Variants in LUC7L observed in about 807,000 individuals in gnomAD.
The protein encoded by LUC7L is LUC7 like.
In LUC7L, 29 loss-of-function variants were observed where a neutral mutation model predicts 51.1. The observed-to-expected ratio is 0.57, with a 90% CI of 0.42 to 0.77. LUC7L has a LOEUF of 0.77. Among genes scored for constraint, LUC7L ranks in the 30% least tolerant of loss-of-function variants. The probability of loss-of-function intolerance (pLI) is 0.00; values close to 1 mark genes in which losing one functional copy is unlikely to be tolerated. For synonymous variants in LUC7L, 181 were observed against 180.7 expected (o/e 1.00, Z -0.01); for missense variants, 403 against 511.9 (o/e 0.79, Z 2.05).
intron 2 of LUC7L, among the ~76,000 whole-genome samples, chr16:220,959 ATAGTG>A (rs1319170668): frequency 1.3e-5 from 2 of 152,194 alleles, no homozygotes; most frequent in African/African-American, 4.8e-5. Context: ...GATGCATTTA[ATAGTG>A]TAAAGTTTCT....
At chr16:192,318 G>A (rs1425040015) in intron 7 of LUC7L, among the ~76,000 whole-genome samples, 1 of 151,996 alleles carries the variant, frequency 6.6e-6, no homozygotes, top group Non-Finnish European at 1.5e-5. Flanking sequence ...GCTTGCCAAA[G>A]GGGAGCAGGC....
chr16:219,114 G>A (rs867533091), intron 3 of LUC7L, among the ~76,000 whole-genome samples: 3 of 152,002 alleles, frequency 2.0e-5, no homozygotes, highest in Middle Eastern at 6.8e-3. Flanking sequence ...AAATAGGACA[G>A]GCGCGGTGGC....
intron 2 of LUC7L, among the ~76,000 whole-genome samples, chr16:221,246 C>T (rs1423613525): frequency 5.5e-5 from 8 of 144,804 alleles, no homozygotes; most frequent in Admixed American, 5.0e-4. Flanking sequence ...GGTTTCGCCA[C>T]GTTGGCCAGG....
chr16:198,051 G>A (rs1039853933), intron 6 of LUC7L, among the ~76,000 whole-genome samples: 47 of 151,918 alleles, frequency 3.1e-4, no homozygotes, highest in Non-Finnish European at 2.2e-4. Flanking sequence ...GGCGGATCGC[G>A]AGGTCAGGAG....
chr16:229,231 G>C, intron 1 of LUC7L, 48 bp downstream of exon 1: 10 of 1,513,476 alleles, frequency 6.6e-6, no homozygotes, highest in Non-Finnish European at 8.8e-6. Flanking sequence ...CGGCGGCCTC[G>C]CCTCACTCCC....
At chr16:224,447 A>T (rs979999953) in intron 2 of LUC7L, among the ~76,000 whole-genome samples, 2 of 151,354 alleles carry the variant, frequency 1.3e-5, no homozygotes, top group African/African-American at 4.9e-5. Flanking sequence ...TGAGCCCGGG[A>T]GGCGGAGCTT....
chr16:192,886 G>A (rs184685361), intron 7 of LUC7L, 41 bp downstream of exon 7: 302 of 1,530,456 alleles, frequency 2.0e-4, no homozygotes, highest in East Asian at 1.6e-3. Context: ...GGGAATGCCC[G>A]AGGCCAATGC....
At chr16:216,919 C>T (rs767428303) in intron 3 of LUC7L, among the ~76,000 whole-genome samples, 1 of 152,178 alleles carries the variant, frequency 6.6e-6, no homozygotes, top group Non-Finnish European at 1.5e-5. Flanking sequence ...TGGTCTTGAA[C>T]TCCCGGGCTC....
At chr16:199,334 G>A (rs1219612106) in intron 5 of LUC7L, 96 bp from the exon 6 acceptor site, 12 of 772,454 alleles carry the variant, frequency 1.6e-5, no homozygotes, top group Admixed American at 2.7e-5. Context: ...GATGACAGAG[G>A]TGACTTTTAA....
At chr16:193,505 A>G (rs1023933768) in intron 6 of LUC7L, among the ~76,000 whole-genome samples, 2 of 151,748 alleles carry the variant, frequency 1.3e-5, no homozygotes, top group Admixed American at 6.6e-5. Context: ...ATGCTTTATC[A>G]TTACATTTTT....
At chr16:205,447 G>T (rs1355480432) in intron 5 of LUC7L, among the ~76,000 whole-genome samples, 5 of 152,108 alleles carry the variant, frequency 3.3e-5, no homozygotes, top group African/African-American at 1.2e-4. Flanking sequence ...GCAGACTTTG[G>T]GTGATAATGA....
intron 1 of LUC7L, chr16:227,709 T>TAATTTC: frequency 9.7e-7 from 1 of 1,026,450 alleles, no homozygotes; most frequent in Non-Finnish European, 1.2e-6. Flanking sequence ...ATAGAGCTGG[T>TAATTTC]AATTTCCACC....
intron 5 of LUC7L, among the ~76,000 whole-genome samples, chr16:200,164 TGTAATCCCAG>T (rs1454122361): frequency 1.3e-5 from 2 of 152,046 alleles, no homozygotes; most frequent in Non-Finnish European, 2.9e-5. Context: ...GGCTCACGCC[TGTAATCCCAG>T]CACTTTGGGA....
intron 5 of LUC7L, among the ~76,000 whole-genome samples, 196 bp downstream of exon 5, chr16:205,808 T>C (rs1215276102): frequency 2.0e-5 from 3 of 152,140 alleles, no homozygotes; most frequent in African/African-American, 7.2e-5. Context: ...GCCAGGATGG[T>C]CTTATCTCCT....
chr16:189,733 G>A (rs529339843), intron 9 of LUC7L: 25 of 1,382,536 alleles, frequency 1.8e-5, no homozygotes, highest in Non-Finnish European at 2.3e-5. Flanking sequence ...CAGTGCACAG[G>A]CCCCAGGACG....
At chr16:213,596 G>A (rs1371129792) in intron 3 of LUC7L, among the ~76,000 whole-genome samples, 1 of 151,892 alleles carries the variant, frequency 6.6e-6, no homozygotes, top group African/African-American at 2.4e-5. Context: ...TTAGAGACAG[G>A]TTATCACCAT....
chr16:228,067 A>T (rs2050174205), intron 1 of LUC7L: 2 of 1,140,576 alleles, frequency 1.8e-6, no homozygotes. Flanking sequence ...TTTCTTGCCC[A>T]CACCTGCAGT....
At chr16:228,247 C>A in intron 1 of LUC7L, 1 of 1,294,658 alleles carries the variant, frequency 7.7e-7, no homozygotes, top group Non-Finnish European at 1.0e-6. Flanking sequence ...AAAATGTTTT[C>A]TTTCTAAACT....
chr16:208,985 G>A (rs995262730), intron 3 of LUC7L: 1 of 151,708 alleles, frequency 6.6e-6, no homozygotes, highest in African/African-American at 2.4e-5. Flanking sequence ...CATGAGGTCA[G>A]GAGTTCAAGA....
Sources: gnomAD v4.1 joint callset for allele counts (sites outside exome capture counted in the v4.1 genomes callset) on GRCh38, gnomAD v4.1.1 for gene constraint, MANE v1.5 for transcripts, NCBI Gene and HGNC (gene_info 2026-07-23, HGNC 2026-07-21) for gene names.